TTC14: variants seen among roughly 807,000 people sequenced by gnomAD.
The protein encoded by TTC14 is tetratricopeptide repeat protein 14.
TTC14 carries 63 observed loss-of-function variants against 79.9 expected under a neutral mutation model. The observed-to-expected ratio is 0.79, with a 90% confidence interval of 0.64 to 0.97. TTC14 has a LOEUF of 0.97. Among genes scored for constraint, TTC14 ranks in the 50% least tolerant of loss-of-function variants. TTC14 has a pLI of 0.00. For missense variants in TTC14, 895 were observed against 894.0 expected, an observed-to-expected ratio of 1.00 and a Z score of -0.01; for synonymous variants, 335 against 309.6, an observed-to-expected ratio of 1.08 and a Z score of -0.86.
intron 4 of TTC14, 69 bp from the exon 5 acceptor site, chr3:180,604,409 G>A: frequency 6.5e-7 from 1 of 1,545,020 alleles, no homozygotes. Flanking sequence ...GTTTGGGAAA[G>A]TTTATATTTT....
intron 11 of TTC14, 67 bp downstream of exon 11, chr3:180,608,877 TG>T (rs1415533115): frequency 7.6e-7 from 1 of 1,314,900 alleles, no homozygotes; most frequent in African/African-American, 1.5e-5. Context: ...AGTGCCATAC[TG>T]GAGGTAAAGT....
In TTC14 at chr3:180,609,613, T is replaced by G; in HGVS notation, c.1401-17T>G. On this transcript the variant is annotated splice_polypyrimidine_tract_variant and intron_variant, in intron 11 of 11. Transcript: ENST00000296015. The stretch of plus-strand genomic sequence containing the variant: ...AACATTTTTGTATATATATGACAAA[T>G]GAACTGTTTTTTTTAGGCTAAAGAA... 1 of 1,528,816 alleles carries G rather than the reference T, an allele frequency of 6.5e-7. No individual in the cohort carries two copies. Among genetic ancestry groups the G allele is most frequent in the Non-Finnish European group, 8.7e-7 (1 of 1,144,534 alleles). 94.7% of individuals were successfully genotyped at this position (1,528,816 alleles called of 1,614,324 possible). A position where few individuals can be genotyped will look rare whatever the true frequency, so the allele number is the denominator to read the frequency against.
In TTC14 at chr3:180,616,931, C is replaced by T. The variant is rs11914833; in HGVS notation, c.1775-449C>T. 0.05 allele frequency: 73,988 copies of T among 1,483,642 alleles called. 3,162 individuals are homozygous for T. Among genetic ancestry groups the T allele is most frequent in the African/African-American group, 0.21 (15,075 of 71,216 alleles). The allele number at this position is 1,483,642 out of a possible 1,614,324, so 91.9% of individuals were successfully genotyped here. ...ATAACTTTTCTTTAACATTATTTGC[C>T]AAATGTTCTATAACATCTAATGTAT... On this transcript the variant is annotated intron_variant, in intron 12 of 12. Coordinates refer to the TTC14 transcript ENST00000382584.
Position 180,602,219 on chromosome 3 carries a change from G to A in TTC14, c.-43G>A, listed in dbSNP as rs1215241004. ...GCTCAAGTAGCGGACACGGAACAGG[G>A]AACTATCAGCCCGTCGGCCTCCGGG... On this transcript the variant is annotated 5_prime_UTR_variant, in exon 1 of 12. Coordinates refer to ENST00000296015, the MANE Select transcript of TTC14 (RefSeq NM_133462.4). 2 of 1,607,248 alleles carry A rather than the reference G, an allele frequency of 1.2e-6. No homozygotes were observed. The highest frequency in any genetic ancestry group is 8.5e-7 in the Non-Finnish European group (1 of 1,176,804).
At chr3:180,602,488 G>A (rs1716417773) in intron 1 of TTC14, 66 bp downstream of exon 1, 2 of 1,503,466 alleles carry the variant, frequency 1.3e-6, no homozygotes, top group African/African-American at 1.4e-5. Flanking sequence ...CACTACCGCA[G>A]CCCCGGGTTT....
chr3:180,606,675 G>A, intron 9 of TTC14, 72 bp downstream of exon 9: 1 of 1,512,114 alleles, frequency 6.6e-7, no homozygotes. Context: ...TGAACTTAAG[G>A]AAATAGTTTC....
intron 10 of TTC14, chr3:180,608,102 TTG>T: frequency 9.6e-7 from 1 of 1,036,586 alleles, no homozygotes. Context: ...ATATTTTAAA[TTG>T]TCTTTTCCTG....
chr3:180,605,659 G>A, intron 6 of TTC14, 107 bp from the exon 7 acceptor site: 1 of 705,808 alleles, frequency 1.4e-6, no homozygotes, highest in Non-Finnish European at 2.3e-6. Flanking sequence ...CAGATTTCTT[G>A]CTTGGGATTC....
At chr3:180,603,414 A>G (rs1716498221) in intron 3 of TTC14, 91 bp downstream of exon 3, 1 of 1,100,212 alleles carries the variant, frequency 9.1e-7, no homozygotes, top group Non-Finnish European at 1.4e-6. Context: ...GTGCTCAAGT[A>G]TACCTGCCAA....
intron 7 of TTC14, 111 bp from the exon 8 acceptor site, chr3:180,606,142 C>G (rs2108393541): frequency 6.8e-7 from 1 of 1,463,540 alleles, no homozygotes; most frequent in Admixed American, 2.1e-5. Context: ...ACTCTGAAAA[C>G]TAAATATTTT....
chr3:180,607,859 G>A, intron 10 of TTC14, 94 bp downstream of exon 10: 1 of 1,534,008 alleles, frequency 6.5e-7, no homozygotes, highest in Non-Finnish European at 8.7e-7. Context: ...CATTACTTAA[G>A]TAAGGCATTA....
Position 180,608,690 on chromosome 3 carries a change from G to C in TTC14, c.1291-11G>C, listed in dbSNP as rs770789440. On this transcript the variant is annotated splice_polypyrimidine_tract_variant and intron_variant, in intron 10 of 11. Coordinates refer to ENST00000296015, the MANE Select transcript of TTC14 (RefSeq NM_133462.4). The stretch of plus-strand genomic sequence containing the variant: ...AACGTGTGGTTTTTTTCGATATCTG[G>C]GTTCTAAAAGAAATCTTTGGAATTA... The C allele has an allele frequency of 1.3e-6, 2 of 1,505,426 alleles. No individual in the cohort carries two copies. The highest frequency in any genetic ancestry group is 2.7e-5 in the Admixed American group (1 of 36,808). The allele number at this position is 1,505,426 out of a possible 1,614,324, so 93.3% of individuals were successfully genotyped here.
Position 180,603,152 on chromosome 3 carries a change from G to A in TTC14, c.315G>A (p.Glu105=). The A allele has an allele frequency of 6.2e-7, 1 of 1,613,908 alleles. No individual in the cohort carries two copies. The highest frequency in any genetic ancestry group is 8.5e-7 in the Non-Finnish European group (1 of 1,180,004). The change falls in exon 3 of 12, where the codon GAG becomes GAA. Residue 105 remains glutamate, a synonymous_variant. Coordinates refer to ENST00000296015, the MANE Select transcript of TTC14 (RefSeq NM_133462.4). ...ATTATGCAATCATGCCACCTTTAGA[G>A]CAATTCATGGAGATACCTAGTATGG... The part of the protein sequence containing the change: ...EDHYAIMPPL[E]QFMEIPSMDR...
chr3:180,611,319 A>C (rs768375008), downstream of TTC14, among the ~76,000 whole-genome samples: 12 of 152,250 alleles, frequency 7.9e-5, no homozygotes, highest in Non-Finnish European at 1.6e-4. Flanking sequence ...AAAGAAAAAA[A>C]TCCTTTTAGC....
In TTC14 at chr3:180,608,795, TAAAAG is replaced by T. The variant is rs770683575; in HGVS notation, c.1388_1392del (p.Lys463ArgfsTer21). The T allele has an allele frequency of 8.6e-5, 132 of 1,542,534 alleles. No individual in the cohort carries two copies. The highest frequency in any genetic ancestry group is 1.0e-4 in the Non-Finnish European group (120 of 1,150,346). On this transcript the variant is annotated frameshift_variant, in exon 11 of 12. Transcript: ENST00000296015. LOFTEE classifies it high-confidence loss of function. ...AGTGCAGAAAAGTTGCGTAAGCTCT[TAAAAG>T]AAGAGAAGAGGTAAACTATAATATT... is the stretch of plus-strand genomic sequence containing the variant.
downstream of TTC14, chr3:180,615,044 CTG>C (rs1452927830): frequency 5.0e-5 from 78 of 1,552,902 alleles, no homozygotes; most frequent in Middle Eastern, 1.7e-4. Context: ...TAATTGAAGA[CTG>C]AGAAGTAGAT....
downstream of TTC14, among the ~76,000 whole-genome samples, chr3:180,611,445 C>T (rs747767204): frequency 7.2e-5 from 11 of 152,284 alleles, no homozygotes; most frequent in South Asian, 8.3e-4. Context: ...CTAGGCATGT[C>T]GTTAAATCTG....
chr3:180,616,384 A>T, intron 12 of TTC14: 1 of 1,595,062 alleles, frequency 6.3e-7, no homozygotes. Flanking sequence ...ATTCAATAGC[A>T]ATCATTAGTA....
Position 180,609,961 on chromosome 3 carries a change from C to T in TTC14, c.1732C>T (p.Pro578Ser). 6.2e-7 allele frequency: 1 copy of T among 1,613,930 alleles called. No homozygotes were observed. The part of the protein sequence containing the change: ...KTQIKEKDRC[P>S]LSSSSLEIPD... ...ACAGATAAAAGAGAAAGATAGATGC[C>T]CTCTCTCTTCATCTTCACTTGAAAT... is the stretch of plus-strand genomic sequence containing the variant. Residue 578 changes from proline to serine, a missense_variant, in exon 12 of 12, where the codon CCT becomes TCT. Physicochemically the swap from Pro to Ser is moderately conservative, Grantham distance 74. Coordinates refer to ENST00000296015, the MANE Select transcript of TTC14 (RefSeq NM_133462.4).
Sources: allele counts gnomAD v4.1 joint callset (sites outside exome capture counted in the v4.1 genomes callset), GRCh38; gene constraint gnomAD v4.1.1; transcripts MANE v1.5; gene names NCBI Gene and HGNC (gene_info 2026-07-23, HGNC 2026-07-21).